Variants in SHISA6 observed in about 807,000 individuals in gnomAD.
The protein encoded by SHISA6 is shisa family member 6.
In SHISA6, 22 loss-of-function variants were observed where a neutral mutation model predicts 47.9. The ratio of observed to expected loss-of-function variants is 0.46; its 90% CI spans 0.33 to 0.66. The LOEUF is 0.66. Among genes scored for constraint, SHISA6 ranks in the 30% least tolerant of loss-of-function variants. The pLI is 0.02. For synonymous variants in SHISA6, 388 were observed against 337.8 expected (o/e 1.15, Z -1.63); for missense variants, 680 against 764.6 (o/e 0.89, Z 1.30).
At chr17:11,366,625 G>A (rs1912460069) in intron 2 of SHISA6, among the ~76,000 whole-genome samples, 1 of 152,228 alleles carries the variant, frequency 6.6e-6, no homozygotes, top group Non-Finnish European at 1.5e-5. Flanking sequence ...GTCAGATGAG[G>A]GATGGTGGCA....
intron 2 of SHISA6, among the ~76,000 whole-genome samples, chr17:11,377,759 A>G (rs1460254088): frequency 6.6e-6 from 1 of 152,154 alleles, no homozygotes; most frequent in African/African-American, 2.4e-5. Context: ...CTCCATTTAC[A>G]CTAAGGCAGT....
At chr17:11,497,239 G>A (rs1597551706) in intron 3 of SHISA6, among the ~76,000 whole-genome samples, 1 of 152,184 alleles carries the variant, frequency 6.6e-6, no homozygotes, top group African/African-American at 2.4e-5. Context: ...AGCCTGGCTT[G>A]TGTTCTGAGA....
intron 3 of SHISA6, among the ~76,000 whole-genome samples, chr17:11,439,144 T>A (rs1407782944): frequency 6.6e-6 from 1 of 152,146 alleles, no homozygotes; most frequent in East Asian, 1.9e-4. Context: ...GGACATCAAT[T>A]TCCAAGCATT....
intron 1 of SHISA6, among the ~76,000 whole-genome samples, chr17:11,247,254 A>G (rs1907627167): frequency 6.6e-6 from 1 of 152,234 alleles, no homozygotes; most frequent in Non-Finnish European, 1.5e-5. Context: ...GGACAGTCCT[A>G]CGGATCCGGA....
chr17:11,340,813 C>G (rs74498410), intron 2 of SHISA6, among the ~76,000 whole-genome samples: 12,959 of 152,248 alleles, frequency 0.085, 857 homozygotes, highest in East Asian at 0.23. Context: ...ATAGTGGACA[C>G]TGCAGTGACA....
intron 2 of SHISA6, among the ~76,000 whole-genome samples, chr17:11,287,750 G>GGAGGGAGGGAGGGA: frequency 7.1e-6 from 1 of 140,492 alleles, no homozygotes; most frequent in African/African-American, 2.6e-5. Context: ...GGGAAGGGAA[G>GGAGGGAGGGAGGGA]GGAAGTGGGG....
At chr17:11,525,631 C>CAAAAAAAAAAAAA (rs548619604) in intron 3 of SHISA6, among the ~76,000 whole-genome samples, 3 of 58,906 alleles carry the variant, frequency 5.1e-5, no homozygotes, top group African/African-American at 1.4e-4. Context: ...GACTCCGTCT[C>CAAAAAAAAAAAAA]AAAAAAAAAA....
At chr17:11,557,054 G>C (rs1005198326) in intron 5 of SHISA6, among the ~76,000 whole-genome samples, 18 of 152,216 alleles carry the variant, frequency 1.2e-4, no homozygotes, top group African/African-American at 4.1e-4. Flanking sequence ...ACTCCAACCA[G>C]CTTGCGTTAT....
chr17:11,448,349 G>A (rs768707725), intron 3 of SHISA6, among the ~76,000 whole-genome samples: 3 of 152,014 alleles, frequency 2.0e-5, no homozygotes, highest in Admixed American at 6.6e-5. Context: ...GGGCAACATA[G>A]TGAGACCCTG....
chr17:11,330,782 T>C (rs1033439568), intron 2 of SHISA6, among the ~76,000 whole-genome samples: 1 of 141,428 alleles, frequency 7.1e-6, no homozygotes, highest in East Asian at 2.1e-4. Flanking sequence ...TAAAAATTAT[T>C]GTATAGTCAG....
chr17:11,463,044 A>G (rs1188027834), intron 3 of SHISA6, among the ~76,000 whole-genome samples: 1 of 152,210 alleles, frequency 6.6e-6, no homozygotes, highest in Admixed American at 6.5e-5. Context: ...TACTTTATGA[A>G]AAACCTAGAT....
Position 11,352,089 on chromosome 17 carries a change from A to T in SHISA6, c.800-27325A>T, listed in dbSNP as rs143751783. Among the ~76,000 whole-genome samples the T allele has an allele frequency of 1.4e-4, 21 of 152,278 alleles. No individual in the cohort carries two copies. In the East Asian group the frequency reaches 3.9e-3, roughly 28 times the overall value. The stretch of plus-strand genomic sequence containing the variant: ...AGCTTGAGAAGTGGATTTGAAAAGG[A>T]CCTACCTGGAGGTGAAGGTGGGACC... On this transcript the variant is annotated intron_variant, in intron 2 of 5. Coordinates refer to ENST00000441885, the MANE Select transcript of SHISA6 (RefSeq NM_207386.4).
intron 3 of SHISA6, among the ~76,000 whole-genome samples, chr17:11,411,259 C>A (rs553533551): frequency 6.6e-6 from 1 of 151,488 alleles, no homozygotes; most frequent in South Asian, 2.1e-4. Context: ...TGAGCCACCG[C>A]GCCTGGCCTC....
chr17:11,385,157 G>C (rs1377787367), intron 3 of SHISA6, among the ~76,000 whole-genome samples: 1 of 152,194 alleles, frequency 6.6e-6, no homozygotes, highest in Non-Finnish European at 1.5e-5. Flanking sequence ...TTTTAAAAGA[G>C]AGTCCAGAAG....
At chr17:11,291,581 C>T (rs940855271) in intron 2 of SHISA6, among the ~76,000 whole-genome samples, 1 of 152,050 alleles carries the variant, frequency 6.6e-6, no homozygotes, top group Non-Finnish European at 1.5e-5. Context: ...TTGCAGTGAG[C>T]CAAGATTGTG....
At chr17:11,328,449 G>C (rs1910986277) in intron 2 of SHISA6, among the ~76,000 whole-genome samples, 1 of 152,114 alleles carries the variant, frequency 6.6e-6, no homozygotes, top group South Asian at 2.1e-4. Context: ...TAACCTTCTT[G>C]TGCCTTGGTT....
chr17:11,310,304 C>T (rs1487159764), intron 2 of SHISA6, among the ~76,000 whole-genome samples: 3 of 152,126 alleles, frequency 2.0e-5, no homozygotes, highest in African/African-American at 7.2e-5. Context: ...TGCTGTCAAC[C>T]CAAGGCTGTT....
chr17:11,316,521 A>G (rs1002467074), intron 2 of SHISA6, among the ~76,000 whole-genome samples: 3 of 150,272 alleles, frequency 2.0e-5, no homozygotes, highest in Non-Finnish European at 4.4e-5. Context: ...CCTGGGTTCA[A>G]GTGATTCTCC....
intron 3 of SHISA6, among the ~76,000 whole-genome samples, chr17:11,403,806 G>A (rs558330197): frequency 2.6e-5 from 4 of 152,224 alleles, no homozygotes; most frequent in South Asian, 2.1e-4. Flanking sequence ...GTTCTCAATC[G>A]CCTCCCTCCC....
Sources: gnomAD v4.1 joint callset for allele counts (sites outside exome capture counted in the v4.1 genomes callset) on GRCh38, gnomAD v4.1.1 for gene constraint, MANE v1.5 for transcripts, NCBI Gene and HGNC (gene_info 2026-07-23, HGNC 2026-07-21) for gene names.